PHF8: variants seen among roughly 807,000 people sequenced by gnomAD.
PHF8 encodes PHD finger protein 8.
In PHF8, 9 loss-of-function variants were observed where a neutral mutation model predicts 74.4. The observed-to-expected ratio is 0.12, with a 90% CI of 0.07 to 0.21. The LOEUF (loss-of-function observed/expected upper bound fraction) is 0.21, where lower values mean the gene tolerates loss of function less well. Among genes scored for constraint, PHF8 ranks in the 10% least tolerant of loss-of-function variants. The pLI is 1.00. For synonymous variants in PHF8, 311 were observed against 316.6 expected, an observed-to-expected ratio of 0.98 and a Z score of 0.19; for missense variants, 478 against 816.6, an observed-to-expected ratio of 0.59 and a Z score of 5.05.
intron 19 of PHF8, among the ~76,000 whole-genome samples, chrX:53,961,086 G>T (rs1385458878): frequency 2.8e-5 from 3 of 106,335 alleles, no homozygotes; most frequent in Admixed American, 1.0e-4. Flanking sequence ...CAGTGGCATG[G>T]TCTCGGCTCA....
intron 10 of PHF8, 82 bp downstream of exon 10, chrX:54,002,073 G>C: frequency 1.1e-5 from 6 of 557,503 alleles, no homozygotes; most frequent in Admixed American, 2.4e-5. Flanking sequence ...ATCATGTCTT[G>C]ACTGCGTTAC....
intron 7 of PHF8, 40 bp from the exon 8 acceptor site, chrX:54,011,324 G>C (rs1189074901): frequency 8.8e-7 from 1 of 1,137,909 alleles, no homozygotes; most frequent in Admixed American, 2.2e-5. Flanking sequence ...AATACCAAGG[G>C]TTTCCAGAAA....
chrX:54,024,645 C>G (rs1557110984), intron 2 of PHF8, among the ~76,000 whole-genome samples: 1 of 111,883 alleles, frequency 8.9e-6, no homozygotes. Flanking sequence ...ACGGGAAAAT[C>G]ATTTTCTCTA....
At chrX:53,973,774 A>C (rs1351381503) in intron 18 of PHF8, among the ~76,000 whole-genome samples, 1 of 111,960 alleles carries the variant, frequency 8.9e-6, no homozygotes, top group Non-Finnish European at 1.9e-5. Flanking sequence ...CAATTGCAAC[A>C]AAAGTAAAAA....
At position 54,014,554 on chromosome X, in the gene PHF8, G is replaced by A. The variant is rs77581173; in HGVS notation, c.606C>T (p.Asn202=). Residue 202 remains asparagine, a synonymous_variant, in exon 7 of 22, where the codon AAC becomes AAT. Coordinates refer to ENST00000338154, the MANE Select transcript of PHF8 (RefSeq NM_015107.3). ...GAACAATCTTCGGTGTCTCCACAAGGTTAGAAAGTCTACCAAGGAAGGGGT... is the reference window on the plus strand; with the variant it reads ...GAACAATCTTCGGTGTCTCCACAAGATTAGAAAGTCTACCAAGGAAGGGGT... ...SLEFSDTRLS[N]LVETPKIVRK... 2.0e-3 allele frequency: 2,390 copies of A among 1,198,351 alleles called. 50 individuals are homozygous for A. The East Asian group carries it at 0.058, about 29-fold the overall frequency.
At chrX:53,952,283 C>CA (rs782483897) in intron 19 of PHF8, among the ~76,000 whole-genome samples, 11,699 of 65,378 alleles carry the variant, frequency 0.18, 916 homozygotes, top group African/African-American at 0.32. Flanking sequence ...GACTCTGTCT[C>CA]AAAAAAAAAA....
At chrX:54,028,227 G>A (rs927142747) in intron 2 of PHF8, among the ~76,000 whole-genome samples, 12 of 111,333 alleles carry the variant, frequency 1.1e-4, no homozygotes, top group African/African-American at 3.9e-4. Flanking sequence ...AGGTAGCAGA[G>A]AGGAGGAGAG....
intron 2 of PHF8, among the ~76,000 whole-genome samples, chrX:54,040,954 T>G (rs1557115681): frequency 8.9e-6 from 1 of 112,098 alleles, no homozygotes; most frequent in African/African-American, 3.2e-5. Flanking sequence ...CAGAACTCTG[T>G]GCCGGGCACA....
intron 18 of PHF8, among the ~76,000 whole-genome samples, chrX:53,970,880 C>A (rs1557094373): frequency 9.0e-6 from 1 of 111,290 alleles, no homozygotes; most frequent in South Asian, 3.8e-4. Context: ...AACGTAGACT[C>A]CCACACAAAA....
chrX:54,002,493 G>A, intron 9 of PHF8, 102 bp downstream of exon 9: 2 of 591,876 alleles, frequency 3.4e-6, no homozygotes, highest in Non-Finnish European at 2.9e-6. Flanking sequence ...TCAGGAACGA[G>A]GAACCATTCC....
chrX:54,004,822 G>A (rs781834495), intron 8 of PHF8, among the ~76,000 whole-genome samples: 4 of 108,805 alleles, frequency 3.7e-5, no homozygotes, highest in Non-Finnish European at 7.6e-5. Context: ...TACTTGGGAG[G>A]CTGAGGCAGG....
chrX:53,943,835 T>C (rs782288470), intron 20 of PHF8, among the ~76,000 whole-genome samples: 1 of 112,220 alleles, frequency 8.9e-6, no homozygotes, highest in Non-Finnish European at 1.9e-5. Flanking sequence ...AGGAAGGATC[T>C]GGTCCTTCTC....
At chrX:54,026,332 C>T (rs1347808694) in intron 2 of PHF8, among the ~76,000 whole-genome samples, 6 of 93,133 alleles carry the variant, frequency 6.4e-5, no homozygotes, top group African/African-American at 1.2e-4. Context: ...CTAGCCTGGG[C>T]GACAAAGCAA....
chrX:53,978,804 A>G (rs2065430687), intron 18 of PHF8, among the ~76,000 whole-genome samples: 1 of 109,692 alleles, frequency 9.1e-6, no homozygotes, highest in South Asian at 3.9e-4. Flanking sequence ...TCTCAAAAAA[A>G]AAAAAAAAAA....
At chrX:53,995,293 A>AC (rs1219389389) in intron 12 of PHF8, 2 of 336,590 alleles carry the variant, frequency 5.9e-6, no homozygotes, top group Admixed American at 6.4e-5. Flanking sequence ...ACCACGACCC[A>AC]CCGTCAGAAT....
chrX:53,979,459 C>G (rs1375584402), intron 18 of PHF8, among the ~76,000 whole-genome samples: 1 of 111,759 alleles, frequency 8.9e-6, no homozygotes, highest in Non-Finnish European at 1.9e-5. Flanking sequence ...ATCAACAGAG[C>G]TTTCAACTCA....
intron 14 of PHF8, among the ~76,000 whole-genome samples, chrX:53,990,865 T>C (rs2065648173): frequency 8.9e-6 from 1 of 111,867 alleles, no homozygotes; most frequent in Admixed American, 9.5e-5. Context: ...TTTCTGACAA[T>C]CTTCTTGGAT....
chrX:53,953,105 C>T, intron 19 of PHF8, among the ~76,000 whole-genome samples: 1 of 106,888 alleles, frequency 9.4e-6, no homozygotes, highest in Middle Eastern at 4.9e-3. Flanking sequence ...GAAACCCCGT[C>T]TCCACTAAAC....
chrX:54,044,414 G>C lies in PHF8; in HGVS notation c.-745C>G. On this transcript the variant is annotated 5_prime_UTR_variant, in exon 1 of 22. Coordinates refer to ENST00000338154, the MANE Select transcript of PHF8 (RefSeq NM_015107.3). ...GGGATAAACAGCTACCATGTTGAGAGTGGCGGCGCTACCCAGACAACCAAG... is the reference window on the plus strand; with the variant it reads ...GGGATAAACAGCTACCATGTTGAGACTGGCGGCGCTACCCAGACAACCAAG... 1 of 753,612 alleles carries C rather than the reference G, an allele frequency of 1.3e-6. No homozygotes were observed. Among genetic ancestry groups the C allele is most frequent in the Non-Finnish European group, 1.6e-6 (1 of 638,151 alleles). The allele number at this position is 753,612 out of a possible 1,213,427, so 62.1% of individuals were successfully genotyped here.
Sources: allele counts gnomAD v4.1 joint callset (sites outside exome capture counted in the v4.1 genomes callset), GRCh38; gene constraint gnomAD v4.1.1; transcripts MANE v1.5; gene names NCBI Gene and HGNC (gene_info 2026-07-23, HGNC 2026-07-21).